The following PTPRF variants were observed in gnomAD, a reference collection of about 807,000 sequenced individuals.
PTPRF encodes receptor-type tyrosine-protein phosphatase F.
In PTPRF, 59 loss-of-function variants were observed where a neutral mutation model predicts 201.8. The ratio of observed to expected loss-of-function variants is 0.29; its 90% confidence interval spans 0.24 to 0.36. The LOEUF (loss-of-function observed/expected upper bound fraction) is 0.36, where lower values mean the gene tolerates loss of function less well. PTPRF is among the 10% of genes least tolerant of loss of function. PTPRF has a pLI of 1.00. For synonymous variants in PTPRF, 1,088 were observed against 1,089.7 expected (o/e 1.00, Z 0.03); for missense variants, 2,132 against 2,690.5 (o/e 0.79, Z 4.59).
chr1:43,613,747 G>C, intron 23 of PTPRF, 32 bp downstream of exon 23: 1 of 1,582,460 alleles, frequency 6.3e-7, no homozygotes, highest in Non-Finnish European at 8.7e-7. Context: ...CCATGTGCCT[G>C]GCCCAGGCCT....
In PTPRF at chr1:43,546,832, C is replaced by T. The variant is rs1179590426; in HGVS notation, c.91+1666C>T. ...ACCTGGGCCTCCTCCAGCCTCCTCC[C>T]TCCGTGATATCCCACATCTAATCCA... is the stretch of plus-strand genomic sequence containing the variant. On this transcript the variant is annotated intron_variant, in intron 3 of 33. Transcript: ENST00000359947. The surrounding 1 kb of genome is among the most constrained non-coding windows in gnomAD (Gnocchi z 4.2). Among the ~76,000 whole-genome samples the T allele has an allele frequency of 6.6e-6, 1 of 152,196 alleles. No homozygotes were observed. Among genetic ancestry groups the T allele is most frequent in the East Asian group, 1.9e-4 (1 of 5,196 alleles).
In PTPRF at chr1:43,603,735, C is replaced by T. The variant is rs1168878964; in HGVS notation, c.2583C>T (p.Asp861=). ...ACCGGCTGCAGTACTGCCGGGCCGA[C>T]GAGGCGCGGCCCAACACCATAGATT... ...LGYRLQYCRA[D]EARPNTIDFG... The change falls in exon 16 of 34, where the codon GAC becomes GAT. Residue 861 remains aspartate (D), a synonymous_variant. Coordinates refer to ENST00000359947, the MANE Select transcript of PTPRF (RefSeq NM_002840.5). The surrounding 1 kb of genome is among the most constrained non-coding windows in gnomAD (Gnocchi z 5.8). 19 of 1,613,662 alleles carry T rather than the reference C, an allele frequency of 1.2e-5. No homozygotes were observed. The highest frequency in any genetic ancestry group is 1.1e-4 in the East Asian group (5 of 44,882).
Position 43,619,329 on chromosome 1 carries a change from C to T in PTPRF, c.4688C>T (p.Ala1563Val). 1 of 1,613,778 alleles carries T rather than the reference C, an allele frequency of 6.2e-7. No individual in the cohort carries two copies. Among genetic ancestry groups the T allele is most frequent in the Non-Finnish European group, 8.5e-7 (1 of 1,180,014 alleles). ...GRTGCFIVID[A>V]MLERMKHEKT... ...ACCGGCTGCTTCATCGTGATTGATG[C>T]CATGTTGGAGCGGATGAAGCACGAG... The change falls in exon 28 of 34, where the codon GCC becomes GTC. Residue 1563 changes from alanine (A) to valine (V), a missense_variant. This residue lies in a region of PTPRF where 519 missense variants were observed against 659.5 expected (regional missense o/e 0.79). Coordinates refer to ENST00000359947, the MANE Select transcript of PTPRF (RefSeq NM_002840.5).
In PTPRF at chr1:43,588,853, G is replaced by A. The variant is rs1302980890; in HGVS notation, c.802G>A (p.Gly268Arg). The A allele has an allele frequency of 1.2e-6, 2 of 1,614,106 alleles. No homozygotes were observed. Among genetic ancestry groups the A allele is most frequent in the Non-Finnish European group, 1.7e-6 (2 of 1,180,010 alleles). Residue 268 changes from glycine (G) to arginine (R), a missense_variant, in exon 8 of 34, where the codon GGG (glycine) becomes AGG (arginine). Transcript: ENST00000359947. This position sits in a 1 kb window ranked among gnomAD's most constrained non-coding sequence, Gnocchi z 5.3. Reference sequence around the variant, plus strand: ...CATGCCCTACGTGAAGTGGATGATGGGGGCCGAGGAGCTCACCAAGGAGGA... The same window carrying A: ...CATGCCCTACGTGAAGTGGATGATGAGGGCCGAGGAGCTCACCAAGGAGGA... ...APMPYVKWMM[G>R]AEELTKEDEM...
rs753964488 is a variant in PTPRF at position 43,606,956 on chromosome 1, T to C, written c.3845T>C (p.Leu1282Pro). 3 of 1,614,106 alleles carry C rather than the reference T, an allele frequency of 1.9e-6. No homozygotes were observed. Among genetic ancestry groups the C allele is most frequent in the Non-Finnish European group, 1.7e-6 (2 of 1,180,028 alleles). Residue 1282 changes from leucine (L) to proline (P), a missense_variant, in exon 21 of 34, where the codon CTC (leucine) becomes CCC (proline). By Grantham distance (98) the Leu-to-Pro change is moderately conservative (BLOSUM62 -3). Transcript: ENST00000359947. ...ILIILIVIAI[L>P]LFKRKRTHSP... ...ATCATCCTCATTGTCATCGCCATCC[T>C]CTTGTTCAAAAGGTGAGCACTGCCC...
rs995955903 is a variant in PTPRF, at chr1:43,609,303, C to T, written c.3858-80C>T. ...GGACAGAGCCGTGGACATGGGGGCT[C>T]CTTGGCAGCCAGCCATGCCATGTGT... On this transcript the variant is annotated intron_variant, in intron 21 of 33. Transcript: ENST00000359947. 16 of 1,177,204 alleles carry T rather than the reference C, an allele frequency of 1.4e-5. No homozygotes were observed. The African/African-American group carries it at 2.1e-4, about 16-fold the overall frequency. The allele number at this position is 1,177,204 out of a possible 1,614,324, so 72.9% of individuals were successfully genotyped here.
intron 3 of PTPRF, among the ~76,000 whole-genome samples, chr1:43,548,515 T>G (rs1644824966): frequency 6.6e-6 from 1 of 152,156 alleles, no homozygotes; most frequent in African/African-American, 2.4e-5. Context: ...TCCCGCAGAT[T>G]CCGTTGCTTT....
At chr1:43,538,720 G>C (rs150333215) in intron 2 of PTPRF, among the ~76,000 whole-genome samples, 1 of 152,306 alleles carries the variant, frequency 6.6e-6, no homozygotes, top group African/African-American at 2.4e-5. Context: ...CGTTTCTGTA[G>C]AAAAGACTGT....
intron 6 of PTPRF, among the ~76,000 whole-genome samples, chr1:43,578,245 G>A (rs985124187): frequency 1.3e-5 from 2 of 152,220 alleles, no homozygotes; most frequent in Non-Finnish European, 2.9e-5. Context: ...TGGGGCTGGC[G>A]GGGAGGGGGT....
chr1:43,594,366 G>T (rs1485587548), intron 11 of PTPRF, among the ~76,000 whole-genome samples: 1 of 138,548 alleles, frequency 7.2e-6, no homozygotes, highest in African/African-American at 2.9e-5. Context: ...GAGTCTGCAG[G>T]CCTGAAGGCC....
rs377191383 is a variant in PTPRF, at chr1:43,553,783, T to C, written c.238-17T>C. Reference sequence around the variant, plus strand: ...GTGTCCTGAGTAGGCTGTGACCCCATGTCTGTCCTCTGACAGGTCATTGAG... The same window carrying C: ...GTGTCCTGAGTAGGCTGTGACCCCACGTCTGTCCTCTGACAGGTCATTGAG... On this transcript the variant is annotated splice_polypyrimidine_tract_variant and intron_variant, in intron 4 of 33. Coordinates refer to ENST00000359947, the MANE Select transcript of PTPRF (RefSeq NM_002840.5). The surrounding 1 kb of genome is among the most constrained non-coding windows in gnomAD (Gnocchi z 4.1). The C allele has an allele frequency of 1.1e-4, 184 of 1,613,958 alleles. No individual in the cohort carries two copies. The highest frequency in any genetic ancestry group is 1.5e-4 in the Non-Finnish European group (174 of 1,180,016).
At position 43,622,719 on chromosome 1, in the gene PTPRF, ATAGG is replaced by A. The variant is rs1207014090; in HGVS notation, c.*717_*720del. The A allele has an allele frequency of 6.6e-6, 1 of 152,530 alleles. No individual in the cohort carries two copies. The highest frequency in any genetic ancestry group is 2.4e-5 in the African/African-American group (1 of 41,392). 9.4% of individuals were successfully genotyped at this position (152,530 alleles called of 1,614,324 possible). A position where few individuals can be genotyped will look rare whatever the true frequency, so the allele number is the denominator to read the frequency against. On this transcript the variant is annotated 3_prime_UTR_variant, in exon 34 of 34. Coordinates refer to ENST00000359947, the MANE Select transcript of PTPRF (RefSeq NM_002840.5). The stretch of plus-strand genomic sequence containing the variant: ...ATTGACAGTGGTGGGCGGGGAGAAG[ATAGG>A]GAACACTCATCCCTGGTCGTCTATC...
intron 6 of PTPRF, among the ~76,000 whole-genome samples, chr1:43,571,733 T>TA (rs1646586925): frequency 6.6e-6 from 1 of 152,204 alleles, no homozygotes; most frequent in African/African-American, 2.4e-5. Flanking sequence ...TTGCTGCTCA[T>TA]ACCTTCCTGT....
chr1:43,550,735 A>C lies in PTPRF; in HGVS notation c.92-2757A>C, dbSNP rs1011413919. On this transcript the variant is annotated intron_variant, in intron 3 of 33. Coordinates refer to ENST00000359947, the MANE Select transcript of PTPRF (RefSeq NM_002840.5). ...AAAGTTATAAGCTCGGCAGGTAGGT[A>C]ATAAGCTAGGAGCAGTGCTGTGGGA... 1.1e-4 allele frequency among the ~76,000 whole-genome samples: 17 copies of C among 152,236 alleles called. 1 individual carries two copies. Among genetic ancestry groups the C allele is most frequent in the Admixed American group, 1.1e-3 (17 of 15,284 alleles).
At chr1:43,582,041 A>G (rs1445751547) in intron 7 of PTPRF, among the ~76,000 whole-genome samples, 1 of 152,220 alleles carries the variant, frequency 6.6e-6, no homozygotes, top group African/African-American at 2.4e-5. Context: ...GTCTCCACCC[A>G]TCTGACTCTC....
intron 11 of PTPRF, among the ~76,000 whole-genome samples, chr1:43,597,442 CGT>C (rs1020364764): frequency 5.9e-5 from 9 of 151,864 alleles, no homozygotes; most frequent in South Asian, 4.2e-4. Context: ...CTGTGTGAGA[CGT>C]GTGTGAGGCA....
chr1:43,561,890 G>C (rs1355602456), intron 5 of PTPRF, among the ~76,000 whole-genome samples: 4 of 152,144 alleles, frequency 2.6e-5, no homozygotes, highest in African/African-American at 4.8e-5. Context: ...TGGACACTGG[G>C]CACTTCCCCT....
upstream of PTPRF, among the ~76,000 whole-genome samples, chr1:43,527,492 A>T (rs1363059848): frequency 6.6e-6 from 1 of 152,230 alleles, no homozygotes; most frequent in East Asian, 1.9e-4. Flanking sequence ...AGATCTGGGC[A>T]GGCTGCTTAC....
chr1:43,576,357 A>G (rs1013692774), intron 6 of PTPRF, among the ~76,000 whole-genome samples: 6 of 152,128 alleles, frequency 3.9e-5, no homozygotes, highest in Admixed American at 6.5e-5. Context: ...TTATTACTTG[A>G]CTTTCCCTTT....
Sources: allele counts gnomAD v4.1 joint callset (sites outside exome capture counted in the v4.1 genomes callset), GRCh38; gene constraint gnomAD v4.1.1; regional missense constraint gnomAD v4.1.1; non-coding constraint Gnocchi (gnomAD v3.1); transcripts MANE v1.5; gene names NCBI Gene and HGNC (gene_info 2026-07-23, HGNC 2026-07-21).